The following CYSLTR2 variants were observed in gnomAD, a reference collection of about 807,000 sequenced individuals.
CYSLTR2 encodes cysteinyl leukotriene receptor 2.
For synonymous variants in CYSLTR2, 179 were observed against 160.8 expected (o/e 1.11, Z -0.86); for missense variants, 398 against 411.9 (o/e 0.97, Z 0.29).
Position 48,707,288 on chromosome 13 carries a change from C to T in CYSLTR2, c.471C>T (p.Ile157=). ...TCACCAGCATCAGGAGTGCCTGGAT[C>T]CTCTGTGGGATCATATGGATCCTTA... ...LHVTSIRSAW[I]LCGIIWILIM... The change falls in exon 5 of 5, where the codon ATC becomes ATT. Residue 157 remains isoleucine, a synonymous_variant. Coordinates refer to ENST00000682523, the MANE Select transcript of CYSLTR2 (RefSeq NM_001308476.3). 1 of 1,614,040 alleles carries T rather than the reference C, an allele frequency of 6.2e-7. No individual in the cohort carries two copies. The highest frequency in any genetic ancestry group is 1.1e-5 in the South Asian group (1 of 91,082).
chr13:48,660,598 G>A (rs940255740), intron 1 of CYSLTR2, among the ~76,000 whole-genome samples: 1 of 151,996 alleles, frequency 6.6e-6, no homozygotes, highest in Non-Finnish European at 1.5e-5. Context: ...GACCAGCTCC[G>A]TTTCACATTC....
Position 48,707,570 on chromosome 13 carries a change from C to A in CYSLTR2, c.753C>A (p.Ile251=). 6.2e-7 allele frequency: 1 copy of A among 1,608,928 alleles called. No individual in the cohort carries two copies. Among genetic ancestry groups the A allele is most frequent in the East Asian group, 2.2e-5 (1 of 44,890 alleles). The change falls in exon 5 of 5, where the codon ATC becomes ATA. Residue 251 remains isoleucine (I), a synonymous_variant. Coordinates refer to ENST00000682523, the MANE Select transcript of CYSLTR2 (RefSeq NM_001308476.3). ...SHRKALTTII[I]TLIIFFLCFL... is the part of the protein sequence containing the mutation. ...GGAAGGCACTGACCACCATCATCAT[C>A]ACCTTGATCATCTTCTTCTTGTGTT... is the stretch of plus-strand genomic sequence containing the variant.
chr13:48,680,641 G>A (rs950750855), intron 1 of CYSLTR2, among the ~76,000 whole-genome samples: 1 of 152,076 alleles, frequency 6.6e-6, no homozygotes, highest in East Asian at 1.9e-4. Context: ...TCCCATTAAG[G>A]CCGTGGAAAT....
chr13:48,655,419 G>C (rs1362529228), intron 1 of CYSLTR2, among the ~76,000 whole-genome samples: 1 of 152,168 alleles, frequency 6.6e-6, no homozygotes, highest in Non-Finnish European at 1.5e-5. Flanking sequence ...ACCTTCTCTG[G>C]ACCTCATATC....
At chr13:48,673,355 T>C (rs1165444915) in intron 1 of CYSLTR2, among the ~76,000 whole-genome samples, 6 of 152,054 alleles carry the variant, frequency 3.9e-5, no homozygotes, top group African/African-American at 1.2e-4. Context: ...TTTATCATTA[T>C]GTGATTCCCT....
rs533189172 is a variant in CYSLTR2, at chr13:48,704,632, C to A, written c.-1-2185C>A. 7.2e-5 allele frequency among the ~76,000 whole-genome samples: 11 copies of A among 152,144 alleles called. No individual in the cohort carries two copies. In the East Asian group the frequency reaches 2.1e-3, roughly 29 times the overall value. On this transcript the variant is annotated intron_variant, in intron 4 of 4. Coordinates refer to ENST00000682523, the MANE Select transcript of CYSLTR2 (RefSeq NM_001308476.3). Reference sequence around the variant, plus strand: ...CTAATACTGCATTTGCTACATCTCACAAATTTATATTTTCACTTTTATTCA... The same window carrying A: ...CTAATACTGCATTTGCTACATCTCAAAAATTTATATTTTCACTTTTATTCA...
chr13:48,701,921 A>G (rs1478269496), intron 4 of CYSLTR2, among the ~76,000 whole-genome samples: 3 of 152,226 alleles, frequency 2.0e-5, no homozygotes, highest in South Asian at 2.1e-4. Flanking sequence ...GCATATACCC[A>G]AAGGATTATA....
At chr13:48,654,298 TGTGTGTGA>T (rs59437268) in intron 1 of CYSLTR2, among the ~76,000 whole-genome samples, 3,413 of 59,946 alleles carry the variant, frequency 0.057, 87 homozygotes, top group African/African-American at 0.19. Context: ...TGTGTGTGTG[TGTGTGTGA>T]GTGTGTGTGT....
Position 48,706,993 on chromosome 13 carries a change from C to A in CYSLTR2, c.176C>A (p.Ser59Tyr). The stretch of plus-strand genomic sequence containing the variant: ...TGGGGAGTCTTGGGAAATGGGTTGT[C>A]CATATATGTTTTCCTGCAGCCTTAT... The part of the protein sequence containing the change: ...FFWGVLGNGL[S>Y]IYVFLQPYKK... Residue 59 changes from serine (S) to tyrosine (Y), a missense_variant, in exon 5 of 5, where the codon TCC (serine) becomes TAC (tyrosine). Physicochemically the swap from Ser to Tyr is moderately radical, Grantham distance 144. Transcript: ENST00000682523. The A allele has an allele frequency of 6.2e-7, 1 of 1,614,080 alleles. No individual in the cohort carries two copies. Among genetic ancestry groups the A allele is most frequent in the South Asian group, 1.1e-5 (1 of 91,078 alleles).
chr13:48,694,604 G>A (rs1389435633), intron 3 of CYSLTR2: 1 of 152,176 alleles, frequency 6.6e-6, no homozygotes, highest in African/African-American at 2.4e-5. Context: ...TGAGTCAAGG[G>A]TACTTGCTTA....
intron 1 of CYSLTR2, among the ~76,000 whole-genome samples, chr13:48,666,424 G>A (rs1172081674): frequency 6.6e-6 from 1 of 151,976 alleles, no homozygotes; most frequent in African/African-American, 2.4e-5. Context: ...TAGCTTCTTG[G>A]ACCTGGATGC....
intron 4 of CYSLTR2, among the ~76,000 whole-genome samples, chr13:48,700,310 G>C (rs538345561): frequency 6.6e-6 from 1 of 152,290 alleles, no homozygotes; most frequent in South Asian, 2.1e-4. Context: ...ACATCAAAAA[G>C]CTTATCCACC....
rs952454506 is a variant in CYSLTR2 at position 48,710,865 on chromosome 13, A to G, written c.*3007A>G. 1 of 152,188 alleles carries G rather than the reference A, an allele frequency of 6.6e-6. No individual in the cohort carries two copies. 9.4% of individuals were successfully genotyped at this position (152,188 alleles called of 1,614,324 possible). A position where few individuals can be genotyped will look rare whatever the true frequency, so the allele number is the denominator to read the frequency against. ...GTCTTGGAATGCAACTCCCACAGAT[A>G]AGGGGGTGCTGCTGGAGTGAAATAC... On this transcript the variant is annotated 3_prime_UTR_variant, in exon 5 of 5. Coordinates refer to ENST00000682523, the MANE Select transcript of CYSLTR2 (RefSeq NM_001308476.3).
chr13:48,698,557 C>G (rs1033768129), intron 4 of CYSLTR2, among the ~76,000 whole-genome samples: 6 of 152,176 alleles, frequency 3.9e-5, no homozygotes, highest in Non-Finnish European at 7.4e-5. Flanking sequence ...GTTCCAGCCA[C>G]TGCAAAAACA....
In CYSLTR2 at chr13:48,709,196, A is replaced by C. The variant is rs1402892698; in HGVS notation, c.*1338A>C. 6.0e-6 allele frequency: 1 copy of C among 167,082 alleles called. No individual in the cohort carries two copies. Among genetic ancestry groups the C allele is most frequent in the Non-Finnish European group, 1.5e-5 (1 of 68,132 alleles). The allele number at this position is 167,082 out of a possible 1,614,324, so 10.3% of individuals were successfully genotyped here. A position where few individuals can be genotyped will look rare whatever the true frequency, so the allele number is the denominator to read the frequency against. On this transcript the variant is annotated 3_prime_UTR_variant, in exon 5 of 5. Coordinates refer to ENST00000682523, the MANE Select transcript of CYSLTR2 (RefSeq NM_001308476.3). ...GTAAACTTCCAGGAAGATTGGTTGA[A>C]AGTCTGAATAAAAGCTGTCCTTTCC...
intron 1 of CYSLTR2, among the ~76,000 whole-genome samples, chr13:48,663,891 T>A (rs1953192369): frequency 6.6e-6 from 1 of 152,052 alleles, no homozygotes; most frequent in Admixed American, 6.6e-5. Context: ...AGAGTAAGCA[T>A]CATTGTCTGT....
In CYSLTR2 at chr13:48,707,924, A is replaced by T; in HGVS notation, c.*66A>T. ...ATCTTCATTCACTCATAGTCTCCAA[A>T]TGACTTTGTATTTACATCACTCCCA... is the stretch of plus-strand genomic sequence containing the variant. On this transcript the variant is annotated 3_prime_UTR_variant, in exon 5 of 5. Transcript: ENST00000682523. 1 of 1,291,898 alleles carries T rather than the reference A, an allele frequency of 7.7e-7. No individual in the cohort carries two copies. Among genetic ancestry groups the T allele is most frequent in the African/African-American group, 1.5e-5 (1 of 67,526 alleles). 80.0% of individuals were successfully genotyped at this position (1,291,898 alleles called of 1,614,324 possible).
intron 1 of CYSLTR2, among the ~76,000 whole-genome samples, chr13:48,659,432 C>T (rs142182783): frequency 3.8e-4 from 58 of 152,274 alleles, no homozygotes; most frequent in Non-Finnish European, 6.0e-4. Flanking sequence ...TCCATGATAT[C>T]GCAATGTCTC....
At position 48,708,075 on chromosome 13, in the gene CYSLTR2, C is replaced by T. The variant is rs200758759; in HGVS notation, c.*217C>T. ...AGGGATACAGGAGGAAAAATCCCTA[C>T]TAGAGTCCTGTGGGCTGAAATATCA... On this transcript the variant is annotated 3_prime_UTR_variant, in exon 5 of 5. Transcript: ENST00000682523. 7.9e-5 allele frequency: 33 copies of T among 418,972 alleles called. No homozygotes were observed. The highest frequency in any genetic ancestry group is 2.2e-5 in the Non-Finnish European group (5 of 229,578). The allele number at this position is 418,972 out of a possible 1,614,324, so 26.0% of individuals were successfully genotyped here.
Sources: gnomAD v4.1 joint callset for allele counts (sites outside exome capture counted in the v4.1 genomes callset) on GRCh38, gnomAD v4.1.1 for gene constraint, MANE v1.5 for transcripts, NCBI Gene and HGNC (gene_info 2026-07-23, HGNC 2026-07-21) for gene names.